The following SMAD6 variants were observed in gnomAD, a reference collection of about 807,000 sequenced individuals.
SMAD6 encodes SMAD family member 6.
In SMAD6, 103 loss-of-function variants were observed where a neutral mutation model predicts 39.4. The observed-to-expected ratio is 2.62, with a 90% CI of 2.23 to 3.08. The LOEUF is 3.08. SMAD6 is among the 30% of genes most tolerant of loss of function. The pLI is 0.00. For synonymous variants in SMAD6, 445 were observed against 353.3 expected, an observed-to-expected ratio of 1.26 and a Z score of -2.91; for missense variants, 1,104 against 742.9, an observed-to-expected ratio of 1.49 and a Z score of -5.65.
At chr15:66,732,121 T>C (rs1893641886) in intron 3 of SMAD6, among the ~76,000 whole-genome samples, 1 of 151,994 alleles carries the variant, frequency 6.6e-6, no homozygotes, top group Non-Finnish European at 1.5e-5. Flanking sequence ...TTTTTTGTAT[T>C]TTTTGTAGAG....
chr15:66,780,718 G>A (rs1036901229), intron 3 of SMAD6, among the ~76,000 whole-genome samples: 7 of 152,206 alleles, frequency 4.6e-5, no homozygotes, highest in Non-Finnish European at 5.9e-5. Context: ...TCATGTCTGC[G>A]TCCGCAGCAT....
intron 3 of SMAD6, among the ~76,000 whole-genome samples, chr15:66,751,407 A>G (rs1018721132): frequency 2.0e-5 from 3 of 152,310 alleles, no homozygotes; most frequent in East Asian, 3.9e-4. Flanking sequence ...GTTCAGGACT[A>G]TTCATTCCCA....
rs1893027052 is a variant in SMAD6 at position 66,703,510 on chromosome 15, G to A, written c.252G>A (p.Arg84=). Residue 84 remains arginine (R), a synonymous_variant, in exon 1 of 4, where the codon CGG becomes CGA. Transcript: ENST00000288840. Reference sequence around the variant, plus strand: ...GCGCCCAGGGCGCGGGGAGGCGCCGGCGCGCAGGGGGCCCCCCGAGGCCCA... The same window carrying A: ...GCGCCCAGGGCGCGGGGAGGCGCCGACGCGCAGGGGGCCCCCCGAGGCCCA... ...QRGAQGAGRR[R]RAGGPPRPMS... 3.3e-6 allele frequency: 4 copies of A among 1,223,518 alleles called. No individual in the cohort carries two copies. The highest frequency in any genetic ancestry group is 4.1e-6 in the Non-Finnish European group (4 of 979,634). The allele number at this position is 1,223,518 out of a possible 1,614,324, so 75.8% of individuals were successfully genotyped here. A position where few individuals can be genotyped will look rare whatever the true frequency, so the allele number is the denominator to read the frequency against.
chr15:66,778,244 C>T (rs751813055), intron 3 of SMAD6, among the ~76,000 whole-genome samples: 23 of 152,070 alleles, frequency 1.5e-4, no homozygotes, highest in Non-Finnish European at 2.8e-4. Flanking sequence ...TCATACCCAC[C>T]TAATTTTTAA....
intron 3 of SMAD6, among the ~76,000 whole-genome samples, chr15:66,759,018 T>C (rs567682011): frequency 1.3e-5 from 2 of 152,334 alleles, no homozygotes; most frequent in South Asian, 4.1e-4. Context: ...ACAGTCTCTG[T>C]TGCAACAATT....
chr15:66,757,278 G>C (rs558192197), intron 3 of SMAD6, among the ~76,000 whole-genome samples: 68 of 152,288 alleles, frequency 4.5e-4, no homozygotes, highest in Non-Finnish European at 7.6e-4. Context: ...CAGCCCCGAC[G>C]TCTCCCTCTG....
intron 3 of SMAD6, chr15:66,716,998 C>G (rs770169472): frequency 1.2e-5 from 16 of 1,289,326 alleles, no homozygotes; most frequent in Non-Finnish European, 1.5e-5. Flanking sequence ...GTTTCTGTGT[C>G]TCTCCCTGAG....
At chr15:66,765,581 A>G (rs1894274314) in intron 3 of SMAD6, among the ~76,000 whole-genome samples, 1 of 152,184 alleles carries the variant, frequency 6.6e-6, no homozygotes, top group Non-Finnish European at 1.5e-5. Context: ...AAGAATTACC[A>G]GAGGGGAGAG....
chr15:66,717,118 A>G (rs1374224705), intron 3 of SMAD6: 4 of 1,288,480 alleles, frequency 3.1e-6, no homozygotes, highest in Non-Finnish European at 4.0e-6. Flanking sequence ...TACCTGAATC[A>G]AACTTTCCTT....
At position 66,747,219 on chromosome 15, in the gene SMAD6, G is replaced by A. The variant is rs1011486120; in HGVS notation, c.952+30721G>A. Reference sequence around the variant, plus strand: ...AAAATGAGGCTTGGCCAGAGGTTGCGTGGTTTGCTGTGTTTGCATGGCCAG... The same window carrying A: ...AAAATGAGGCTTGGCCAGAGGTTGCATGGTTTGCTGTGTTTGCATGGCCAG... On this transcript the variant is annotated intron_variant, in intron 3 of 3. Coordinates refer to ENST00000288840, the MANE Select transcript of SMAD6 (RefSeq NM_005585.5). This position sits in a 1 kb window ranked among gnomAD's most constrained non-coding sequence, Gnocchi z 4.5. Among the ~76,000 whole-genome samples, 1 of 152,246 alleles carries A rather than the reference G, an allele frequency of 6.6e-6. No homozygotes were observed. The highest frequency in any genetic ancestry group is 1.5e-5 in the Non-Finnish European group (1 of 68,042).
rs1226491018 is a variant in SMAD6, at chr15:66,710,358, T to C, written c.818-1310T>C. Reference sequence around the variant, plus strand: ...CGCGTCTCTCTCAGTGGCTACTCTGTGATTCACTTTTCCTTCTCCCTAATT... The same window carrying C: ...CGCGTCTCTCTCAGTGGCTACTCTGCGATTCACTTTTCCTTCTCCCTAATT... On this transcript the variant is annotated intron_variant, in intron 1 of 3. Coordinates refer to ENST00000288840, the MANE Select transcript of SMAD6 (RefSeq NM_005585.5). 2.6e-4 allele frequency among the ~76,000 whole-genome samples: 39 copies of C among 152,200 alleles called. 1 individual carries two copies. Among genetic ancestry groups the C allele is most frequent in the Admixed American group, 2.6e-3 (39 of 15,288 alleles).
chr15:66,754,111 A>T (rs1894055636), intron 3 of SMAD6, among the ~76,000 whole-genome samples: 1 of 152,210 alleles, frequency 6.6e-6, no homozygotes, highest in Admixed American at 6.5e-5. Context: ...CTTCAAAAAC[A>T]GGGGCATATT....
At chr15:66,767,240 C>A (rs1894303646) in intron 3 of SMAD6, among the ~76,000 whole-genome samples, 1 of 152,186 alleles carries the variant, frequency 6.6e-6, no homozygotes, top group African/African-American at 2.4e-5. Context: ...GGGAAACCTT[C>A]CACAGTTCAA....
intron 3 of SMAD6, among the ~76,000 whole-genome samples, chr15:66,777,266 C>T (rs775772315): frequency 1.7e-4 from 26 of 152,170 alleles, no homozygotes; most frequent in Non-Finnish European, 3.4e-4. Flanking sequence ...TTGCCCACCA[C>T]GCTTCAGTGC....
chr15:66,730,560 G>T (rs1893609044), intron 3 of SMAD6, among the ~76,000 whole-genome samples: 1 of 152,158 alleles, frequency 6.6e-6, no homozygotes, highest in Admixed American at 6.5e-5. Context: ...TGGCCCTGGC[G>T]CCTAGCATGG....
Position 66,723,847 on chromosome 15 carries a change from G to A in SMAD6, c.952+7349G>A, listed in dbSNP as rs1356131132. Among the ~76,000 whole-genome samples, 5 of 152,292 alleles carry A rather than the reference G, an allele frequency of 3.3e-5. No homozygotes were observed. In the South Asian group the frequency reaches 6.2e-4, roughly 19 times the overall value. ...AGGCAGACAGCAAACAGACAGTGGT[G>A]ACTGATCATGCTGAGTGCTGCCCTA... On this transcript the variant is annotated intron_variant, in intron 3 of 3. Coordinates refer to ENST00000288840, the MANE Select transcript of SMAD6 (RefSeq NM_005585.5).
At chr15:66,743,110 G>A (rs1371834563) in intron 3 of SMAD6, among the ~76,000 whole-genome samples, 5 of 152,108 alleles carry the variant, frequency 3.3e-5, no homozygotes, top group Non-Finnish European at 5.9e-5. Flanking sequence ...AGCTGCCCAG[G>A]GAAGGTGTAG....
At chr15:66,754,888 TG>T in intron 3 of SMAD6, among the ~76,000 whole-genome samples, 1 of 152,026 alleles carries the variant, frequency 6.6e-6, no homozygotes, top group South Asian at 2.1e-4. Flanking sequence ...CTGTGTGGGC[TG>T]GGGGTGCTAA....
intron 3 of SMAD6, among the ~76,000 whole-genome samples, chr15:66,769,492 A>C (rs1215982552): frequency 6.6e-6 from 1 of 152,114 alleles, no homozygotes; most frequent in Non-Finnish European, 1.5e-5. Context: ...TGAAATTCAC[A>C]CTGGGTGGGG....
Sources: gnomAD v4.1 joint callset for allele counts (sites outside exome capture counted in the v4.1 genomes callset) on GRCh38, gnomAD v4.1.1 for gene constraint, Gnocchi (gnomAD v3.1) non-coding constraint, MANE v1.5 for transcripts, NCBI Gene and HGNC (gene_info 2026-07-23, HGNC 2026-07-21) for gene names.